The following JARID2 variants were observed in gnomAD, a reference collection of about 807,000 sequenced individuals.
JARID2 encodes the protein jumonji and AT-rich interaction domain containing 2, also known as protein Jumonji.
A neutral mutation model predicts 125.6 loss-of-function variants in JARID2; 21 were observed. The ratio of observed to expected loss-of-function variants is 0.17; its 90% CI spans 0.12 to 0.24. The LOEUF (loss-of-function observed/expected upper bound fraction) is 0.24, where lower values mean the gene tolerates loss of function less well. Ranked by LOEUF, JARID2 falls within the 10% of genes least tolerant of loss-of-function variation. The pLI, the probability that JARID2 is intolerant of heterozygous loss-of-function variation, is 1.00. For missense variants in JARID2, 1,303 were observed against 1,639.6 expected (o/e 0.79, Z 3.55); for synonymous variants, 736 against 661.6 (o/e 1.11, Z -1.73).
chr6:15,394,091 C>G (rs16876307), intron 2 of JARID2, among the ~76,000 whole-genome samples: 50 of 152,194 alleles, frequency 3.3e-4, no homozygotes, highest in African/African-American at 1.2e-3. Context: ...GCTGAGATCT[C>G]ATAATTTATT....
chr6:15,425,972 C>T (rs1015717123), intron 3 of JARID2, among the ~76,000 whole-genome samples: 4 of 152,154 alleles, frequency 2.6e-5, no homozygotes, highest in East Asian at 1.9e-4. Context: ...TCCTCTTTGA[C>T]GTCCTAATAG....
intron 1 of JARID2, among the ~76,000 whole-genome samples, chr6:15,307,874 C>T (rs974382740): frequency 2.0e-5 from 3 of 152,202 alleles, no homozygotes; most frequent in Admixed American, 1.3e-4. Flanking sequence ...CATAATTCAT[C>T]GGTCCAAGAA....
At chr6:15,437,079 C>G (rs1002555964) in intron 3 of JARID2, among the ~76,000 whole-genome samples, 1 of 152,152 alleles carries the variant, frequency 6.6e-6, no homozygotes, top group Non-Finnish European at 1.5e-5. Context: ...AGCATAGATT[C>G]TACCTGGAAG....
chr6:15,325,295 A>G (rs1448898759), intron 1 of JARID2, among the ~76,000 whole-genome samples: 3 of 152,216 alleles, frequency 2.0e-5, no homozygotes, highest in African/African-American at 4.8e-5. Flanking sequence ...CACACACACA[A>G]CTGAAACAAT....
At chr6:15,328,979 A>G (rs557670385) in intron 1 of JARID2, among the ~76,000 whole-genome samples, 12 of 152,310 alleles carry the variant, frequency 7.9e-5, no homozygotes, top group African/African-American at 2.6e-4. Flanking sequence ...AGAGATCTTC[A>G]AATGTAGTAT....
intron 4 of JARID2, among the ~76,000 whole-genome samples, chr6:15,455,404 A>G (rs187303416): frequency 1.6e-3 from 249 of 152,274 alleles, no homozygotes; most frequent in African/African-American, 5.8e-3. Flanking sequence ...GGAACATTCA[A>G]CATCCTCCTT....
At chr6:15,425,308 C>T (rs1276676034) in intron 3 of JARID2, among the ~76,000 whole-genome samples, 1 of 152,178 alleles carries the variant, frequency 6.6e-6, no homozygotes, top group Admixed American at 6.5e-5. Context: ...AATGAAAACG[C>T]ATGCTAATAG....
intron 1 of JARID2, among the ~76,000 whole-genome samples, chr6:15,260,548 T>C (rs1056445249): frequency 2.0e-5 from 3 of 152,190 alleles, no homozygotes; most frequent in Non-Finnish European, 4.4e-5. Context: ...GGGAAATACT[T>C]GTCTCAAATA....
intron 1 of JARID2, among the ~76,000 whole-genome samples, chr6:15,338,260 C>T (rs1215135767): frequency 6.6e-6 from 1 of 152,162 alleles, no homozygotes; most frequent in Non-Finnish European, 1.5e-5. Context: ...GCCTCTATTC[C>T]CTGTCTTTCA....
At chr6:15,251,262 C>T (rs560720555) in intron 1 of JARID2, among the ~76,000 whole-genome samples, 167 of 152,270 alleles carry the variant, frequency 1.1e-3, no homozygotes, top group African/African-American at 3.8e-3. Flanking sequence ...GTGATCTGCC[C>T]GCCTTGGCCT....
In JARID2 at chr6:15,428,930, A is replaced by ACC. The variant is rs10660512; in HGVS notation, c.323+18574_323+18575dup. ...CAAAAAAACAACAAAAAAAAAACAA[A>ACC]CCCCCCCCCCAAAAAAAAAAAAAAC... On this transcript the variant is annotated intron_variant, in intron 3 of 17. Coordinates refer to ENST00000341776, the MANE Select transcript of JARID2 (RefSeq NM_004973.4). 6.0e-3 allele frequency among the ~76,000 whole-genome samples: 543 copies of ACC among 89,828 alleles called. 8 individuals carry two copies. Among genetic ancestry groups the ACC allele is most frequent in the South Asian group, 0.015 (33 of 2,172 alleles). 58.9% of individuals were successfully genotyped at this position (89,828 alleles called of 152,430 possible).
At position 15,415,571 on chromosome 6, in the gene JARID2, C is replaced by CGGGGCTGCTGGCCGGGCGG. The variant is rs1554133971; in HGVS notation, c.323+5214_323+5232dup. On this transcript the variant is annotated intron_variant, in intron 3 of 17. Transcript: ENST00000341776. ...GCAGAGGCGCCCCTCACCTCCCGGA[C>CGGGGCTGCTGGCCGGGCGG]GGGGCTGCTGGCCGGGCGGGGGGCT... 3.6e-3 allele frequency among the ~76,000 whole-genome samples: 526 copies of CGGGGCTGCTGGCCGGGCGG among 146,742 alleles called. 7 individuals are homozygous for CGGGGCTGCTGGCCGGGCGG. Among genetic ancestry groups the CGGGGCTGCTGGCCGGGCGG allele is most frequent in the African/African-American group, 0.013 (482 of 38,346 alleles).
At chr6:15,479,380 G>A (rs1477204053) in intron 5 of JARID2, among the ~76,000 whole-genome samples, 1 of 152,154 alleles carries the variant, frequency 6.6e-6, no homozygotes, top group Non-Finnish European at 1.5e-5. Flanking sequence ...TCGTATGTTA[G>A]CAGGAATATA....
intron 4 of JARID2, among the ~76,000 whole-genome samples, chr6:15,461,270 A>AT (rs1768436060): frequency 6.6e-6 from 1 of 152,164 alleles, no homozygotes; most frequent in Non-Finnish European, 1.5e-5. Context: ...GGAATAGGAG[A>AT]TTGGGAGGGA....
intron 3 of JARID2, among the ~76,000 whole-genome samples, chr6:15,414,105 C>G (rs1415136269): frequency 6.6e-6 from 1 of 152,058 alleles, no homozygotes; most frequent in Non-Finnish European, 1.5e-5. Flanking sequence ...AAAAATATGC[C>G]TTTTGTCTAC....
At chr6:15,258,267 T>A (rs1327745923) in intron 1 of JARID2, among the ~76,000 whole-genome samples, 1 of 152,148 alleles carries the variant, frequency 6.6e-6, no homozygotes, top group Non-Finnish European at 1.5e-5. Flanking sequence ...GCATTTACAG[T>A]TTAGTTGGCA....
chr6:15,296,926 C>T (rs1293662534), intron 1 of JARID2, among the ~76,000 whole-genome samples: 2 of 152,172 alleles, frequency 1.3e-5, no homozygotes, highest in South Asian at 2.1e-4. Context: ...CAGGGCTGGC[C>T]CTGTGGCCTT....
At chr6:15,419,486 T>C (rs185408557) in intron 3 of JARID2, among the ~76,000 whole-genome samples, 22 of 152,376 alleles carry the variant, frequency 1.4e-4, no homozygotes, top group Admixed American at 1.1e-3. Flanking sequence ...TGCTTTTGCT[T>C]GAAGGATTTT....
intron 3 of JARID2, among the ~76,000 whole-genome samples, chr6:15,415,236 C>T (rs1766090202): frequency 6.6e-6 from 1 of 152,252 alleles, no homozygotes; most frequent in Non-Finnish European, 1.5e-5. Flanking sequence ...ACATGGCAAC[C>T]ATCCGATCTC....
Sources: gnomAD v4.1 joint callset for allele counts (sites outside exome capture counted in the v4.1 genomes callset) on GRCh38, gnomAD v4.1.1 for gene constraint, MANE v1.5 for transcripts, NCBI Gene and HGNC (gene_info 2026-07-23, HGNC 2026-07-21) for gene names.